The following HENMT1 variants were observed in gnomAD, a reference collection of about 807,000 sequenced individuals.
HENMT1 encodes small RNA 2'-O-methyltransferase.
A neutral mutation model predicts 31.1 loss-of-function variants in HENMT1; 27 were observed. The observed-to-expected ratio is 0.87, with a 90% confidence interval of 0.64 to 1.20. The LOEUF (loss-of-function observed/expected upper bound fraction) is 1.20. HENMT1 is among the 50% of genes most tolerant of loss of function. The probability of loss-of-function intolerance (pLI) is 0.00; values close to 1 mark genes in which losing one functional copy is unlikely to be tolerated. For missense variants in HENMT1, 438 were observed against 469.6 expected, an observed-to-expected ratio of 0.93 and a Z score of 0.62; for synonymous variants, 167 against 172.2, an observed-to-expected ratio of 0.97 and a Z score of 0.24.
At chr1:108,660,398 C>A (rs1308843107) in intron 1 of HENMT1, among the ~76,000 whole-genome samples, 2 of 152,058 alleles carry the variant, frequency 1.3e-5, no homozygotes, top group Non-Finnish European at 2.9e-5. Context: ...GGAGTTCTGC[C>A]CATTTCATTG....
chr1:108,656,949 TC>T (rs1658263047), intron 3 of HENMT1, among the ~76,000 whole-genome samples: 1 of 152,186 alleles, frequency 6.6e-6, no homozygotes. Flanking sequence ...GTTTCTGGCA[TC>T]TGCTAAAGGA....
At chr1:108,653,934 T>G (rs982606637) in intron 5 of HENMT1, among the ~76,000 whole-genome samples, 1 of 152,222 alleles carries the variant, frequency 6.6e-6, no homozygotes, top group African/African-American at 2.4e-5. Flanking sequence ...TTGTAGCCTG[T>G]GCTTTTGTAG....
Position 108,654,827 on chromosome 1 carries a change from C to A in HENMT1, c.287G>T (p.Gly96Val), listed in dbSNP as rs571370470. The A allele has an allele frequency of 9.3e-6, 15 of 1,614,038 alleles. No individual in the cohort carries two copies. In the South Asian group the frequency reaches 1.5e-4, roughly 17 times the overall value. The change falls in exon 5 of 8, where the codon GGG becomes GTG. Residue 96 changes from glycine (G) to valine (V), a missense_variant. By Grantham distance (109) the Gly-to-Val change is moderately radical. Transcript: ENST00000651461. ...WRGDSLAPFLGDFLKPRDLNL... is the reference protein window; with the variant it reads ...WRGDSLAPFLVDFLKPRDLNL... ...CAGATCCCGAGGTTTCAGAAAATCC[C>A]CCAGGAAAGGAGCTAACGAATCCCT...
chr1:108,658,083 AC>A (rs1658314721), intron 2 of HENMT1, among the ~76,000 whole-genome samples: 1 of 130,594 alleles, frequency 7.7e-6, no homozygotes, highest in Non-Finnish European at 1.8e-5. Flanking sequence ...ACACACACAC[AC>A]ACACACACAC....
rs1557742215 is a variant in HENMT1, at chr1:108,658,116, C to CAT, written c.22-538_22-537insAT. 2.1e-4 allele frequency among the ~76,000 whole-genome samples: 30 copies of CAT among 145,770 alleles called. 2 individuals are homozygous for CAT. Among genetic ancestry groups the CAT allele is most frequent in the African/African-American group, 8.2e-4 (30 of 36,792 alleles). ...ACACATATATACACACACACACACACACATATATATATATATATTTTTTTT... is the reference window on the plus strand; with the variant it reads ...ACACATATATACACACACACACACACATACATATATATATATATATTTTTTTT... On this transcript the variant is annotated intron_variant, in intron 2 of 7. Transcript: ENST00000651461.
chr1:108,655,021 C>T (rs1266957373), intron 4 of HENMT1, among the ~76,000 whole-genome samples, 171 bp from the exon 5 acceptor site: 1 of 152,136 alleles, frequency 6.6e-6, no homozygotes, highest in South Asian at 2.1e-4. Context: ...GGGAAACTTC[C>T]TCTCACAGTG....
rs769872972 is a variant in HENMT1, at chr1:108,651,055, A to C, written c.553T>G (p.Trp185Gly). 2 of 1,613,772 alleles carry C rather than the reference A, an allele frequency of 1.2e-6. No homozygotes were observed. The highest frequency in any genetic ancestry group is 1.7e-6 in the Non-Finnish European group (2 of 1,179,836). The change falls in exon 6 of 8, where the codon TGG becomes GGG. Residue 185 changes from tryptophan (W) to glycine (G), a missense_variant. Coordinates refer to ENST00000651461, the MANE Select transcript of HENMT1 (RefSeq NM_001102592.2). ...CAGGTCTGAAACTCCATTCTGGTCC[A>C]CTCAAATTTATGATCTGAATCTCTT... is the stretch of plus-strand genomic sequence containing the variant. ...TLRDSDHKFE[W>G]TRMEFQTWAL...
At chr1:108,654,666 T>C (rs374954235) in intron 5 of HENMT1, 50 bp downstream of exon 5, 1 of 1,577,978 alleles carries the variant, frequency 6.3e-7, no homozygotes, top group East Asian at 2.2e-5. Flanking sequence ...CTGAGACTTA[T>C]TCAGGCTTTT....
rs745676310 is a variant in HENMT1 at position 108,648,300 on chromosome 1, A to G, written c.*266T>C. 2.3e-5 allele frequency: 11 copies of G among 468,338 alleles called. No homozygotes were observed. The highest frequency in any genetic ancestry group is 3.9e-5 in the Admixed American group (1 of 25,400). The allele number at this position is 468,338 out of a possible 1,614,324, so 29.0% of individuals were successfully genotyped here. On this transcript the variant is annotated 3_prime_UTR_variant, in exon 8 of 8. Transcript: ENST00000651461. ...AAAAATAGGTAAGTTCAAAATTAAC[A>G]TATTACCACATCCAACTTCTTTATT...
intron 7 of HENMT1, 81 bp downstream of exon 7, chr1:108,650,130 T>G (rs1390244115): frequency 8.2e-7 from 1 of 1,215,680 alleles, no homozygotes; most frequent in East Asian, 2.3e-5. Context: ...CATCTCTACT[T>G]TGGGGATTCT....
chr1:108,651,316 T>C, intron 5 of HENMT1, 107 bp from the exon 6 acceptor site: 1 of 890,372 alleles, frequency 1.1e-6, no homozygotes, highest in Non-Finnish European at 1.7e-6. Flanking sequence ...ATTTCTCCCT[T>C]CTTTGAATAT....
At chr1:108,658,491 T>TCACTATGTCG (rs1658335992) in intron 2 of HENMT1, among the ~76,000 whole-genome samples, 1 of 152,136 alleles carries the variant, frequency 6.6e-6, no homozygotes, top group African/African-American at 2.4e-5. Flanking sequence ...GGTTTAAAAT[T>TCACTATGTCG]CCTGGGCTCA....
At position 108,648,955 on chromosome 1, in the gene HENMT1, T is replaced by A. The variant is rs1277471489; in HGVS notation, c.793A>T (p.Arg265Trp). 6.2e-7 allele frequency: 1 copy of A among 1,610,306 alleles called. No individual in the cohort carries two copies. Among genetic ancestry groups the A allele is most frequent in the African/African-American group, 1.3e-5 (1 of 74,806 alleles). The change falls in exon 8 of 8, where the codon AGG becomes TGG. Residue 265 changes from arginine (R) to tryptophan (W), a missense_variant. Transcript: ENST00000651461. ...TTAACCAACACAAGTTTAAAGAACC[T>A]TTCCTGCTGTAAGCTTGGGTATGAG... The part of the protein sequence containing the change: ...TTSYPSLQQE[R>W]FFKLVLVNEV...
In HENMT1 at chr1:108,661,059, G is replaced by C. The variant is rs1019517644; in HGVS notation, c.-175C>G. ...AAAAAACAAAGCTCGTCGCGGAGCC[G>C]CCAGCGTCCTCAACTCAGCGCCGCC... is the stretch of plus-strand genomic sequence containing the variant. On this transcript the variant is annotated 5_prime_UTR_variant, in exon 1 of 8. Coordinates refer to ENST00000651461, the MANE Select transcript of HENMT1 (RefSeq NM_001102592.2). 1 of 954,798 alleles carries C rather than the reference G, an allele frequency of 1.0e-6. No individual in the cohort carries two copies. Among genetic ancestry groups the C allele is most frequent in the African/African-American group, 1.8e-5 (1 of 56,616 alleles). The allele number at this position is 954,798 out of a possible 1,614,324, so 59.1% of individuals were successfully genotyped here. A position where few individuals can be genotyped will look rare whatever the true frequency, so the allele number is the denominator to read the frequency against.
upstream of HENMT1, chr1:108,661,218 G>A (rs1658469968): frequency 6.5e-6 from 1 of 153,104 alleles, no homozygotes; most frequent in South Asian, 2.1e-4. Context: ...TGGGCCCCGG[G>A]AGCCTCATGG....
chr1:108,652,319 C>G (rs1282614391), intron 5 of HENMT1, among the ~76,000 whole-genome samples: 3 of 152,024 alleles, frequency 2.0e-5, no homozygotes, highest in Non-Finnish European at 4.4e-5. Context: ...ATATACATAC[C>G]AAGGTATCTA....
Position 108,648,953 on chromosome 1 carries a change from C to T in HENMT1, c.795G>A (p.Arg265=), listed in dbSNP as rs147518901. The change falls in exon 8 of 8, where the codon AGG becomes AGA. Residue 265 remains arginine (R), a synonymous_variant. Transcript: ENST00000651461. ...TTSYPSLQQE[R]FFKLVLVNEV... The stretch of plus-strand genomic sequence containing the variant: ...CATTAACCAACACAAGTTTAAAGAA[C>T]CTTTCCTGCTGTAAGCTTGGGTATG... 6.9e-5 allele frequency: 111 copies of T among 1,610,948 alleles called. 1 individual carries two copies. The East Asian group carries it at 2.3e-3, about 34-fold the overall frequency.
At chr1:108,655,478 TA>T in intron 4 of HENMT1, 107 bp downstream of exon 4, 1 of 593,324 alleles carries the variant, frequency 1.7e-6, no homozygotes, top group Non-Finnish European at 2.8e-6. Flanking sequence ...TGAAGATCCC[TA>T]ATGGCCCCAA....
At chr1:108,658,432 C>G (rs1016384003) in intron 2 of HENMT1, among the ~76,000 whole-genome samples, 1 of 152,132 alleles carries the variant, frequency 6.6e-6, no homozygotes, top group Non-Finnish European at 1.5e-5. Flanking sequence ...CACACCCAGC[C>G]AACACTCTTT....
Sources: allele counts gnomAD v4.1 joint callset (sites outside exome capture counted in the v4.1 genomes callset), GRCh38; gene constraint gnomAD v4.1.1; transcripts MANE v1.5; gene names NCBI Gene and HGNC (gene_info 2026-07-23, HGNC 2026-07-21).